The following SMYD1 variants were observed in gnomAD, a reference collection of about 807,000 sequenced individuals.
SMYD1 encodes the protein histone-lysine N-methyltransferase SMYD1.
In SMYD1, 49 loss-of-function variants were observed where a neutral mutation model predicts 54.0. The observed-to-expected ratio is 0.91, with a 90% CI of 0.72 to 1.15. SMYD1 has a LOEUF of 1.15. SMYD1 is among the 50% of genes most tolerant of loss of function. The pLI is 0.00. For synonymous variants in SMYD1, 269 were observed against 234.2 expected (o/e 1.15, Z -1.36); for missense variants, 653 against 639.6 (o/e 1.02, Z -0.23).
At chr2:88,082,641 C>A (rs570638923) in intron 1 of SMYD1, 1 of 154,412 alleles carries the variant, frequency 6.5e-6, no homozygotes, top group African/African-American at 2.4e-5. Context: ...CAACCTCCTT[C>A]GGCTACAGGG....
intron 7 of SMYD1, among the ~76,000 whole-genome samples, chr2:88,106,032 T>TTGTG (rs759406354): frequency 6.6e-6 from 1 of 151,662 alleles, no homozygotes; most frequent in South Asian, 2.1e-4. Flanking sequence ...ATGTGTGTGT[T>TTGTG]TGTGTGTGTG....
In SMYD1 at chr2:88,106,496, A is replaced by G; in HGVS notation, c.1145+8A>G. ...GATGGTGGACGGCTATATGTAGGTG[A>G]CGATTCTAGGTCTCAGATAGTCTCC... On this transcript the variant is annotated splice_region_variant and intron_variant, in intron 8 of 9. Coordinates refer to ENST00000419482, the MANE Select transcript of SMYD1 (RefSeq NM_198274.4). The G allele has an allele frequency of 6.2e-7, 1 of 1,610,850 alleles. No individual in the cohort carries two copies. The highest frequency in any genetic ancestry group is 8.5e-7 in the Non-Finnish European group (1 of 1,177,344).
chr2:88,098,274 T>A (rs1402898667), intron 6 of SMYD1, among the ~76,000 whole-genome samples: 4 of 152,214 alleles, frequency 2.6e-5, no homozygotes, highest in African/African-American at 9.7e-5. Flanking sequence ...AACCATGCGA[T>A]CATTTCTTTA....
intron 6 of SMYD1, among the ~76,000 whole-genome samples, chr2:88,100,035 C>G (rs1391264684): frequency 2.7e-5 from 4 of 150,414 alleles, no homozygotes; most frequent in Non-Finnish European, 4.4e-5. Flanking sequence ...ACCTCCTGCT[C>G]CTTCTCCTAT....
chr2:88,102,212 A>G (rs1674737541), intron 6 of SMYD1, among the ~76,000 whole-genome samples: 1 of 152,212 alleles, frequency 6.6e-6, no homozygotes, highest in Non-Finnish European at 1.5e-5. Flanking sequence ...TGTTTCAGAA[A>G]AGGACTTCTG....
chr2:88,112,511 G>A lies in SMYD1; in HGVS notation c.*1999G>A. The A allele has an allele frequency of 4.2e-6, 1 of 235,928 alleles. No homozygotes were observed. The highest frequency in any genetic ancestry group is 9.9e-5 in the South Asian group (1 of 10,092). The allele number at this position is 235,928 out of a possible 1,614,324, so 14.6% of individuals were successfully genotyped here. A position where few individuals can be genotyped will look rare whatever the true frequency, so the allele number is the denominator to read the frequency against. On this transcript the variant is annotated 3_prime_UTR_variant, in exon 10 of 10. Transcript: ENST00000419482. The stretch of plus-strand genomic sequence containing the variant: ...ATCCTTGACATTTGTCACCCCACTG[G>A]CCTTCTCAGGTGCAATCAGTAAAAA...
chr2:88,097,620 G>A (rs895885941), intron 6 of SMYD1, among the ~76,000 whole-genome samples: 2 of 152,062 alleles, frequency 1.3e-5, no homozygotes, highest in African/African-American at 4.8e-5. Context: ...AGTCCTATTG[G>A]GTTAGGAGCC....
In SMYD1 at chr2:88,096,687, G is replaced by A; in HGVS notation, c.791G>A (p.Arg264Lys). 1 of 1,614,218 alleles carries A rather than the reference G, an allele frequency of 6.2e-7. No individual in the cohort carries two copies. Among genetic ancestry groups the A allele is most frequent in the Middle Eastern group, 1.6e-4 (1 of 6,062 alleles). Residue 264 changes from arginine (R) to lysine (K), a missense_variant, in exon 6 of 10, where the codon AGG (arginine) becomes AAG (lysine). Physicochemically the swap from Arg to Lys is conservative, Grantham distance 26. Transcript: ENST00000419482. ...DFLNVSEERK[R>K]QLKKQYYFDC... ...CTCAACGTTAGTGAAGAACGCAAGA[G>A]GCAGCTGAAGAAGCAGTACTACTTT...
chr2:88,112,238 C>CT lies in SMYD1; in HGVS notation c.*1731dup, dbSNP rs1558862208. The CT allele has an allele frequency of 1.5e-6, 1 of 681,776 alleles. No homozygotes were observed. The highest frequency in any genetic ancestry group is 1.8e-5 in the African/African-American group (1 of 56,392). 42.2% of individuals were successfully genotyped at this position (681,776 alleles called of 1,614,324 possible). A position where few individuals can be genotyped will look rare whatever the true frequency, so the allele number is the denominator to read the frequency against. The stretch of plus-strand genomic sequence containing the variant: ...TTCATATAAAATGTCTCCCCCAAAC[C>CT]TTTTTCCCTTCTTTGTCATTGTTAT... On this transcript the variant is annotated 3_prime_UTR_variant, in exon 10 of 10. Coordinates refer to ENST00000419482, the MANE Select transcript of SMYD1 (RefSeq NM_198274.4).
chr2:88,081,318 G>A (rs564969949), intron 1 of SMYD1, among the ~76,000 whole-genome samples: 1 of 152,264 alleles, frequency 6.6e-6, no homozygotes, highest in South Asian at 2.1e-4. Context: ...CCTCCATAAA[G>A]ATGTCTAGAA....
At chr2:88,093,446 C>T (rs1674506984) in intron 4 of SMYD1, 71 bp from the exon 5 acceptor site, 5 of 1,555,088 alleles carry the variant, frequency 3.2e-6, no homozygotes, top group Non-Finnish European at 3.6e-6. Context: ...ATGCTGTACA[C>T]CCTTGCACTG....
intron 6 of SMYD1, among the ~76,000 whole-genome samples, chr2:88,102,016 G>A: frequency 6.6e-6 from 1 of 152,036 alleles, no homozygotes; most frequent in Non-Finnish European, 1.5e-5. Flanking sequence ...ATAGGAAAAT[G>A]TTCCCCCAGA....
rs377195280 is a variant in SMYD1, at chr2:88,091,107, T to C, written c.624T>C (p.Cys208=). The C allele has an allele frequency of 2.7e-5, 44 of 1,614,038 alleles. No individual in the cohort carries two copies. In the African/African-American group the frequency reaches 5.1e-4, roughly 19 times the overall value. The change falls in exon 4 of 10, where the codon TGT becomes TGC. Residue 208 remains cysteine (C), a synonymous_variant. Coordinates refer to ENST00000419482, the MANE Select transcript of SMYD1 (RefSeq NM_198274.4). ...FPNLGLVNHD[C]WPNCTVIFNN... ...ACCTGGGCCTGGTGAACCATGACTG[T>C]TGGCCCAACTGTACTGTCATATTTA...
At chr2:88,068,157 A>G (rs1673872453) in intron 1 of SMYD1, among the ~76,000 whole-genome samples, 156 bp downstream of exon 1, 1 of 152,082 alleles carries the variant, frequency 6.6e-6, no homozygotes, top group Non-Finnish European at 1.5e-5. Context: ...TTCTGGCACA[A>G]ATTTTTCTGC....
intron 1 of SMYD1, among the ~76,000 whole-genome samples, chr2:88,079,373 G>A (rs773760441): frequency 7.9e-5 from 12 of 152,174 alleles, no homozygotes; most frequent in Non-Finnish European, 1.8e-4. Flanking sequence ...TATTAAGTTA[G>A]TTAATGGGAG....
At chr2:88,082,089 A>G (rs1674211422) in intron 1 of SMYD1, among the ~76,000 whole-genome samples, 1 of 152,074 alleles carries the variant, frequency 6.6e-6, no homozygotes, top group South Asian at 2.1e-4. Flanking sequence ...TGTGGGCCCC[A>G]TGTGCTCTAT....
chr2:88,094,806 T>A (rs72845809), intron 5 of SMYD1, among the ~76,000 whole-genome samples: 16,572 of 152,054 alleles, frequency 0.11, 966 homozygotes, highest in Middle Eastern at 0.17. Flanking sequence ...GTGGGCTGCC[T>A]CTGTAAAAGG....
chr2:88,091,071 C>T lies in SMYD1; in HGVS notation c.588C>T (p.Gly196=), dbSNP rs369010221. ...GAGGCCTGCAGGCCGTGGGCGTAGG[C>T]ATCTTCCCCAACCTGGGCCTGGTGA... ...DQRGLQAVGV[G]IFPNLGLVNH... is the part of the protein sequence containing the mutation. Residue 196 remains glycine (G), a synonymous_variant, in exon 4 of 10, where the codon GGC becomes GGT. Transcript: ENST00000419482. The T allele has an allele frequency of 2.5e-6, 4 of 1,614,038 alleles. No individual in the cohort carries two copies. The highest frequency in any genetic ancestry group is 3.4e-6 in the Non-Finnish European group (4 of 1,180,024).
Position 88,084,376 on chromosome 2 carries a change from G to T in SMYD1, c.198G>T (p.Gly66=), listed in dbSNP as rs754467052. The change falls in exon 2 of 10, where the codon GGG becomes GGT. Residue 66 remains glycine, a synonymous_variant. Transcript: ENST00000419482. The stretch of plus-strand genomic sequence containing the variant: ...GGCAGGAGAAGCTCCATCGCTGTGG[G>T]CAGTGCAAGTTTGCCCATTACTGCG... ...FKRQEKLHRC[G]QCKFAHYCDR... is the part of the protein sequence containing the mutation. 5.0e-6 allele frequency: 8 copies of T among 1,603,942 alleles called. No homozygotes were observed. The Admixed American group carries it at 5.0e-5, about 10-fold the overall frequency.
Sources: allele counts gnomAD v4.1 joint callset (sites outside exome capture counted in the v4.1 genomes callset), GRCh38; gene constraint gnomAD v4.1.1; transcripts MANE v1.5; gene names NCBI Gene and HGNC (gene_info 2026-07-23, HGNC 2026-07-21).